The following CAST variants were observed in gnomAD, a reference collection of about 807,000 sequenced individuals.
CAST encodes calpastatin, also known as MIR583 host.
Under a neutral mutation model 119.6 loss-of-function variants are expected in CAST, and 76 were observed. That is an observed-to-expected ratio of 0.64 (90% confidence interval 0.53 to 0.77). The LOEUF (loss-of-function observed/expected upper bound fraction) is 0.77, where lower values mean the gene tolerates loss of function less well. Among genes scored for constraint, CAST ranks in the 30% least tolerant of loss-of-function variants. The probability of loss-of-function intolerance (pLI) is 0.00; values close to 1 mark genes in which losing one functional copy is unlikely to be tolerated. For synonymous variants in CAST, 319 were observed against 331.6 expected (o/e 0.96, Z 0.41); for missense variants, 953 against 946.5 (o/e 1.01, Z -0.09).
At chr5:96,656,039 T>C (rs754660015) in intron 1 of CAST, among the ~76,000 whole-genome samples, 3 of 152,240 alleles carry the variant, frequency 2.0e-5, no homozygotes, top group Non-Finnish European at 4.4e-5. Flanking sequence ...CACTTTGTGT[T>C]TACAGATGAA....
intron 3 of CAST, among the ~76,000 whole-genome samples, chr5:96,697,557 A>G (rs1055404634): frequency 4.6e-5 from 7 of 152,244 alleles, no homozygotes; most frequent in South Asian, 2.1e-4. Flanking sequence ...AAGACCATGA[A>G]TCGTAAATAC....
the CAST span, chr5:96,423,407 G>A: frequency 6.2e-7 from 1 of 1,613,984 alleles, no homozygotes; most frequent in Non-Finnish European, 8.5e-7. Flanking sequence ...TTGCCAAACA[G>A]GTATCACATG....
chr5:96,459,486 A>G, the CAST span, among the ~76,000 whole-genome samples: 1 of 152,144 alleles, frequency 6.6e-6, no homozygotes, highest in Non-Finnish European at 1.5e-5. Context: ...ATAGTAGTTG[A>G]AATGTATAAT....
the CAST span, among the ~76,000 whole-genome samples, chr5:96,152,291 C>G: frequency 6.6e-6 from 1 of 152,154 alleles, no homozygotes; most frequent in Admixed American, 6.5e-5. Flanking sequence ...AACTGGTGGC[C>G]TAGTGAAGGC....
At chr5:96,413,032 A>G in the CAST span, 2 of 823,282 alleles carry the variant, frequency 2.4e-6, no homozygotes, top group South Asian at 5.5e-5. Context: ...GACAGGAAAC[A>G]TGTAGCTTCA....
chr5:96,524,698 A>T (rs1173220113), upstream of CAST, among the ~76,000 whole-genome samples: 2 of 152,242 alleles, frequency 1.3e-5, no homozygotes, highest in African/African-American at 4.8e-5. Flanking sequence ...TGGATCTACC[A>T]GTCAGTTGAG....
At chr5:96,074,428 C>A in the CAST span, among the ~76,000 whole-genome samples, 1 of 152,210 alleles carries the variant, frequency 6.6e-6, no homozygotes, top group Non-Finnish European at 1.5e-5. Context: ...GAACTTGTTG[C>A]TGTCTCTTTG....
the CAST span, among the ~76,000 whole-genome samples, chr5:96,154,136 G>A: frequency 5.9e-5 from 9 of 152,048 alleles, no homozygotes; most frequent in African/African-American, 1.7e-4. Flanking sequence ...AAATTAGCCG[G>A]GTGTGGTGGC....
At chr5:96,510,146 T>A in the CAST span, among the ~76,000 whole-genome samples, 2 of 152,246 alleles carry the variant, frequency 1.3e-5, no homozygotes, top group Non-Finnish European at 2.9e-5. Flanking sequence ...ATTAGTCTTC[T>A]GGGAAGTCCA....
At chr5:96,178,880 C>T in the CAST span, among the ~76,000 whole-genome samples, 2 of 152,176 alleles carry the variant, frequency 1.3e-5, no homozygotes, top group African/African-American at 4.8e-5. Flanking sequence ...CCTCATTCAA[C>T]AGGTTCAAAC....
chr5:96,649,332 G>A (rs1229833438), intron 1 of CAST, among the ~76,000 whole-genome samples: 1 of 152,180 alleles, frequency 6.6e-6, no homozygotes, highest in East Asian at 1.9e-4. Context: ...CCTGGCATCT[G>A]TCTGACATTG....
chr5:96,558,466 C>A (rs192258978), intron 1 of CAST, among the ~76,000 whole-genome samples: 13 of 151,872 alleles, frequency 8.6e-5, no homozygotes, highest in Non-Finnish European at 1.9e-4. Flanking sequence ...ACTAGCAAGA[C>A]TAATAAAGAA....
At chr5:96,726,679 G>A in intron 4 of CAST, 115 bp from the exon 5 acceptor site, 1 of 676,070 alleles carries the variant, frequency 1.5e-6, no homozygotes, top group Non-Finnish European at 2.6e-6. Context: ...TATGCATCGA[G>A]TAGATGCAAT....
intron 1 of CAST, among the ~76,000 whole-genome samples, chr5:96,585,202 C>T (rs1746839015): frequency 1.3e-5 from 2 of 152,130 alleles, no homozygotes; most frequent in Non-Finnish European, 2.9e-5. Flanking sequence ...TCCTGATTTA[C>T]TGTTTATCTT....
At chr5:96,263,377 G>A in the CAST span, among the ~76,000 whole-genome samples, 1 of 152,154 alleles carries the variant, frequency 6.6e-6, no homozygotes, top group Non-Finnish European at 1.5e-5. Flanking sequence ...AAGTGAAGAA[G>A]AAAAAAGAAA....
At chr5:96,178,611 A>G in the CAST span, among the ~76,000 whole-genome samples, 1 of 152,172 alleles carries the variant, frequency 6.6e-6, no homozygotes, top group South Asian at 2.1e-4. Flanking sequence ...TTTCTCAGTG[A>G]GTTAGCACTG....
the CAST span, among the ~76,000 whole-genome samples, chr5:96,361,974 T>C: frequency 3.0e-4 from 45 of 152,148 alleles, no homozygotes; most frequent in African/African-American, 1.0e-3. Context: ...CCTAATGCTA[T>C]CCCTCCCCTT....
At chr5:96,159,742 T>A in the CAST span, among the ~76,000 whole-genome samples, 1 of 152,214 alleles carries the variant, frequency 6.6e-6, no homozygotes, top group African/African-American at 2.4e-5. Context: ...TAGTCCACTA[T>A]TTTATGTTTT....
At chr5:96,731,934 G>C (rs1256724717) in intron 9 of CAST, among the ~76,000 whole-genome samples, 1 of 152,172 alleles carries the variant, frequency 6.6e-6, no homozygotes, top group Non-Finnish European at 1.5e-5. Context: ...CGAAGTCTTT[G>C]CTATTGTGAA....
Sources: gnomAD v4.1 joint callset for allele counts (sites outside exome capture counted in the v4.1 genomes callset) on GRCh38, gnomAD v4.1.1 for gene constraint, MANE v1.5 for transcripts, NCBI Gene and HGNC (gene_info 2026-07-23, HGNC 2026-07-21) for gene names.